PCDH15: variants seen among roughly 807,000 people sequenced by gnomAD.
PCDH15 encodes protocadherin-15.
A neutral mutation model predicts 178.5 loss-of-function variants in PCDH15; 129 were observed. The observed-to-expected ratio is 0.72, with a 90% confidence interval of 0.63 to 0.84. The LOEUF (loss-of-function observed/expected upper bound fraction) is 0.84, where lower values mean the gene tolerates loss of function less well. Among genes scored for constraint, PCDH15 ranks in the 40% least tolerant of loss-of-function variants. The pLI is 0.00. For synonymous variants in PCDH15, 800 were observed against 732.0 expected (o/e 1.09, Z -1.50); for missense variants, 2,230 against 2,099.9 (o/e 1.06, Z -1.21).
intron 1 of PCDH15, among the ~76,000 whole-genome samples, chr10:55,226,019 A>C (rs1244231342): frequency 6.6e-6 from 1 of 152,050 alleles, no homozygotes; most frequent in African/African-American, 2.4e-5. Flanking sequence ...TCTGTCTCTA[A>C]GATTAAGGGT....
chr10:53,882,179 G>A (rs961732730), intron 26 of PCDH15, among the ~76,000 whole-genome samples: 2 of 152,004 alleles, frequency 1.3e-5, no homozygotes, highest in African/African-American at 4.8e-5. Flanking sequence ...GCATGTCTGT[G>A]AGACTTGCTG....
chr10:55,144,008 T>C (rs1470069215), intron 2 of PCDH15, among the ~76,000 whole-genome samples: 1 of 35,952 alleles, frequency 2.8e-5, no homozygotes, highest in Non-Finnish European at 1.1e-4. Context: ...CTATCTTGGG[T>C]GTAAGGGGAA....
In PCDH15 at chr10:54,269,187, T is replaced by C. The variant is rs574751207; in HGVS notation, c.877-32256A>G. On this transcript the variant is annotated intron_variant, in intron 8 of 37. Transcript: ENST00000644397. ...TAGGCTGCATATGTTCAGCTTTCAG[T>C]GAAGGTGATTGATAAATGAGAAACT... Among the ~76,000 whole-genome samples, 6 of 152,050 alleles carry C rather than the reference T, an allele frequency of 3.9e-5. No individual in the cohort carries two copies. The East Asian group carries it at 1.2e-3, about 29-fold the overall frequency.
chr10:55,338,451 G>T (rs946190251), intron 2 of PCDH15, among the ~76,000 whole-genome samples: 1 of 152,088 alleles, frequency 6.6e-6, no homozygotes, highest in African/African-American at 2.4e-5. Context: ...ATACACAAAA[G>T]AATATTATTC....
At chr10:55,505,084 T>C (rs1346281517) in intron 2 of PCDH15, among the ~76,000 whole-genome samples, 2 of 151,412 alleles carry the variant, frequency 1.3e-5, no homozygotes, top group African/African-American at 2.4e-5. Context: ...GTTTTTGTTT[T>C]TGTTTTTGTT....
rs538569037 is a variant in PCDH15, at chr10:55,177,792, G to C, written c.-155-11141C>G. Among the ~76,000 whole-genome samples, 11 of 152,254 alleles carry C rather than the reference G, an allele frequency of 7.2e-5. 1 individual carries two copies. The East Asian group carries it at 2.1e-3, about 30-fold the overall frequency. On this transcript the variant is annotated intron_variant, in intron 1 of 5. Coordinates refer to the PCDH15 transcript ENST00000458638. ...TGAACATGACTGCAAACAGATAGTAGTACAAATCTATGCAGCCAGAGAGAA... is the reference window on the plus strand; with the variant it reads ...TGAACATGACTGCAAACAGATAGTACTACAAATCTATGCAGCCAGAGAGAA...
At chr10:54,634,888 C>T (rs2093806152) in intron 2 of PCDH15, among the ~76,000 whole-genome samples, 1 of 151,622 alleles carries the variant, frequency 6.6e-6, no homozygotes, top group Non-Finnish European at 1.5e-5. Flanking sequence ...ATTATAAGCC[C>T]AAAACAGAAT....
intron 1 of PCDH15, among the ~76,000 whole-genome samples, chr10:54,780,733 T>TAAAAAAAAAAAAA: frequency 8.7e-6 from 1 of 114,340 alleles, no homozygotes; most frequent in Admixed American, 8.9e-5. Context: ...AGCAATTGTG[T>TAAAAAAAAAAAAA]AAAAAAAAAA....
chr10:53,822,541 T>G, intron 32 of PCDH15: 2 of 1,613,756 alleles, frequency 1.2e-6, no homozygotes, highest in Non-Finnish European at 8.5e-7. Context: ...TCAAAAATAT[T>G]TCTTTCGGTT....
chr10:54,583,285 T>A (rs1011245701), intron 2 of PCDH15, among the ~76,000 whole-genome samples: 12 of 152,162 alleles, frequency 7.9e-5, no homozygotes, highest in African/African-American at 2.2e-4. Flanking sequence ...AAATATAGAC[T>A]ATTATACCAA....
chr10:54,698,912 G>T (rs1194112440), intron 1 of PCDH15, among the ~76,000 whole-genome samples: 2 of 152,066 alleles, frequency 1.3e-5, no homozygotes, highest in Non-Finnish European at 2.9e-5. Context: ...TAATGATTAT[G>T]ACTTTTCTGT....
intron 37 of PCDH15, chr10:53,809,448 C>T (rs1385271969): frequency 6.2e-7 from 1 of 1,614,006 alleles, no homozygotes; most frequent in Non-Finnish European, 8.5e-7. Context: ...TGTATGTAGG[C>T]TCAGCTGCTG....
intron 2 of PCDH15, among the ~76,000 whole-genome samples, chr10:54,596,542 C>G (rs1042984431): frequency 8.6e-5 from 13 of 151,988 alleles, no homozygotes; most frequent in African/African-American, 2.7e-4. Context: ...ATAAAGCAAC[C>G]AAACAAGTCA....
chr10:54,810,552 C>A (rs1007191428), intron 3 of PCDH15, among the ~76,000 whole-genome samples: 4 of 151,810 alleles, frequency 2.6e-5, no homozygotes, highest in Admixed American at 2.0e-4. Context: ...AAATATGTCA[C>A]AAAAAAATAA....
At chr10:55,307,021 G>T (rs1843444250) in intron 1 of PCDH15, among the ~76,000 whole-genome samples, 1 of 151,504 alleles carries the variant, frequency 6.6e-6, no homozygotes, top group African/African-American at 2.4e-5. Flanking sequence ...TATACATTAA[G>T]CTTCCTAAAG....
At chr10:55,386,860 C>T (rs988301857) in intron 2 of PCDH15, among the ~76,000 whole-genome samples, 3 of 151,998 alleles carry the variant, frequency 2.0e-5, no homozygotes, top group African/African-American at 7.2e-5. Context: ...AATTTTGGAG[C>T]GATTTCTAAG....
At chr10:55,157,008 A>G (rs1446362901) in intron 2 of PCDH15, among the ~76,000 whole-genome samples, 1 of 152,118 alleles carries the variant, frequency 6.6e-6, no homozygotes, top group Non-Finnish European at 1.5e-5. Flanking sequence ...GGAATTCTAG[A>G]CCTTCAGATT....
intron 2 of PCDH15, among the ~76,000 whole-genome samples, chr10:55,551,406 A>G (rs1490382734): frequency 6.6e-6 from 1 of 151,960 alleles, no homozygotes; most frequent in African/African-American, 2.4e-5. Flanking sequence ...AAGACAGGTT[A>G]TATAGAATCC....
intron 8 of PCDH15, among the ~76,000 whole-genome samples, chr10:54,289,434 G>A (rs12761964): frequency 0.25 from 38,434 of 152,140 alleles, 6,213 homozygotes; most frequent in Non-Finnish European, 0.37. Context: ...CCACGAAGAT[G>A]GGGAGAAAAC....
Sources: allele counts gnomAD v4.1 joint callset (sites outside exome capture counted in the v4.1 genomes callset), GRCh38; gene constraint gnomAD v4.1.1; transcripts MANE v1.5; gene names NCBI Gene and HGNC (gene_info 2026-07-23, HGNC 2026-07-21).